Variants in EPB41L3 observed in about 807,000 individuals in gnomAD.
The protein encoded by EPB41L3 is band 4.1-like protein 3.
EPB41L3 carries 57 observed loss-of-function variants against 127.1 expected under a neutral mutation model. The observed-to-expected ratio is 0.45, with a 90% CI of 0.36 to 0.56. EPB41L3 has a LOEUF of 0.56. Ranked by LOEUF, EPB41L3 falls within the 20% of genes least tolerant of loss-of-function variation. The pLI, the probability that EPB41L3 is intolerant of heterozygous loss-of-function variation, is 0.00. For missense variants in EPB41L3, 1,273 were observed against 1,372.2 expected, an observed-to-expected ratio of 0.93 and a Z score of 1.14; for synonymous variants, 572 against 549.5, an observed-to-expected ratio of 1.04 and a Z score of -0.57.
intron 1 of EPB41L3, among the ~76,000 whole-genome samples, chr18:5,512,942 G>A (rs1393499644): frequency 2.6e-5 from 4 of 152,296 alleles, no homozygotes; most frequent in Non-Finnish European, 1.5e-5. Context: ...CACTAAAGAA[G>A]CATCAGTAAG....
At chr18:5,452,331 T>C (rs2082388622) in intron 3 of EPB41L3, among the ~76,000 whole-genome samples, 3 of 152,104 alleles carry the variant, frequency 2.0e-5, no homozygotes, top group Admixed American at 2.0e-4. Flanking sequence ...ATATTCATAG[T>C]TGCATTACAG....
intron 9 of EPB41L3, 22 bp downstream of exon 9, chr18:5,428,291 A>C: frequency 6.2e-7 from 1 of 1,611,686 alleles, no homozygotes; most frequent in Non-Finnish European, 8.5e-7. Context: ...CCCAACGCAC[A>C]GGCAAATGTG....
chr18:5,461,551 G>C (rs1415450131), intron 3 of EPB41L3, among the ~76,000 whole-genome samples: 1 of 152,126 alleles, frequency 6.6e-6, no homozygotes, highest in African/African-American at 2.4e-5. Flanking sequence ...GAAGAAACCT[G>C]CACCAATCAA....
chr18:5,459,395 C>T (rs201369173), intron 3 of EPB41L3, among the ~76,000 whole-genome samples: 1 of 147,734 alleles, frequency 6.8e-6, no homozygotes. Flanking sequence ...CCATTGGTCT[C>T]TTTTTTTTTT....
intron 3 of EPB41L3, among the ~76,000 whole-genome samples, chr18:5,567,616 G>A (rs2094223769): frequency 6.6e-6 from 1 of 151,698 alleles, no homozygotes; most frequent in Non-Finnish European, 1.5e-5. Context: ...AGATAGGCAA[G>A]GAAGGAAGGA....
intron 3 of EPB41L3, among the ~76,000 whole-genome samples, chr18:5,555,057 GC>G (rs1568566456): frequency 6.6e-6 from 1 of 152,188 alleles, no homozygotes; most frequent in Non-Finnish European, 1.5e-5. Context: ...CGCTTCACAT[GC>G]CCACTAAAGA....
At chr18:5,528,793 T>G (rs2186913) in intron 1 of EPB41L3, among the ~76,000 whole-genome samples, 31,421 of 151,914 alleles carry the variant, frequency 0.21, 3,439 homozygotes, top group African/African-American at 0.27. Flanking sequence ...AGATGGGGTT[T>G]CACCATGTTG....
chr18:5,604,436 A>G (rs2143866314), intron 3 of EPB41L3, among the ~76,000 whole-genome samples: 1 of 152,168 alleles, frequency 6.6e-6, no homozygotes, highest in South Asian at 2.1e-4. Flanking sequence ...TCAGAGAGAA[A>G]TCCATTTTAT....
chr18:5,443,918 A>G (rs1443399962), intron 4 of EPB41L3, 38 bp from the exon 5 acceptor site: 1 of 1,567,126 alleles, frequency 6.4e-7, no homozygotes, highest in East Asian at 2.3e-5. Flanking sequence ...GAATCAGAGG[A>G]GAATAAAAAT....
At chr18:5,511,338 T>C (rs866147959) in intron 1 of EPB41L3, among the ~76,000 whole-genome samples, 9 of 149,284 alleles carry the variant, frequency 6.0e-5, no homozygotes, top group Middle Eastern at 7.0e-3. Context: ...CAAGCAGAGA[T>C]GGTTAAAGGT....
At chr18:5,434,321 A>G (rs1484117820) in intron 6 of EPB41L3, among the ~76,000 whole-genome samples, 200 bp from the exon 7 acceptor site, 1 of 152,216 alleles carries the variant, frequency 6.6e-6, no homozygotes, top group Admixed American at 6.5e-5. Flanking sequence ...TGGTTACAAA[A>G]GACAGTATTT....
chr18:5,500,188 T>C (rs1445777856), intron 1 of EPB41L3, among the ~76,000 whole-genome samples: 1 of 152,208 alleles, frequency 6.6e-6, no homozygotes, highest in Non-Finnish European at 1.5e-5. Context: ...TTTCCAAGCA[T>C]TCCTTTGCTA....
intron 3 of EPB41L3, among the ~76,000 whole-genome samples, chr18:5,473,862 T>C (rs561829569): frequency 1.4e-4 from 21 of 152,214 alleles, no homozygotes; most frequent in South Asian, 8.3e-4. Flanking sequence ...CTCAAAAATA[T>C]ATATCAAGTT....
At chr18:5,600,108 T>C (rs1000313610) in intron 3 of EPB41L3, among the ~76,000 whole-genome samples, 5 of 152,326 alleles carry the variant, frequency 3.3e-5, no homozygotes, top group African/African-American at 1.2e-4. Context: ...TTAGATGATG[T>C]TCTTAAAATT....
At chr18:5,504,280 A>AT (rs370797555) in intron 1 of EPB41L3, among the ~76,000 whole-genome samples, 1,544 of 150,760 alleles carry the variant, frequency 0.01, 24 homozygotes, top group African/African-American at 0.035. Flanking sequence ...CATCTAACAG[A>AT]TTTTTTTTTT....
intron 3 of EPB41L3, among the ~76,000 whole-genome samples, chr18:5,452,865 C>G (rs1281158544): frequency 1.3e-5 from 2 of 152,140 alleles, no homozygotes; most frequent in African/African-American, 4.8e-5. Context: ...ACTCAAGATC[C>G]TGTCACATTA....
At chr18:5,398,732 G>A (rs560707274) in intron 16 of EPB41L3, 27 of 399,384 alleles carry the variant, frequency 6.8e-5, no homozygotes, top group African/African-American at 3.9e-4. Flanking sequence ...ATCTCCATTC[G>A]GACAGGCTCT....
At chr18:5,567,129 G>A (rs1048504246) in intron 3 of EPB41L3, 1 of 152,180 alleles carries the variant, frequency 6.6e-6, no homozygotes, top group East Asian at 1.9e-4. Context: ...TAGAGCCTCA[G>A]CTTCTGGATC....
chr18:5,597,395 A>G (rs1568625574), intron 3 of EPB41L3, among the ~76,000 whole-genome samples: 1 of 152,144 alleles, frequency 6.6e-6, no homozygotes, highest in Non-Finnish European at 1.5e-5. Flanking sequence ...ACTACATCCC[A>G]TTAGTGCATT....
Sources: allele counts gnomAD v4.1 joint callset (sites outside exome capture counted in the v4.1 genomes callset), GRCh38; gene constraint gnomAD v4.1.1; transcripts MANE v1.5; gene names NCBI Gene and HGNC (gene_info 2026-07-23, HGNC 2026-07-21).